CFAP299: variants seen among roughly 807,000 people sequenced by gnomAD.
CFAP299 encodes the protein cilia and flagella associated protein 299, also known as cilia- and flagella-associated protein 299.
Under a neutral mutation model 27.0 loss-of-function variants are expected in CFAP299, and 21 were observed. The ratio of observed to expected loss-of-function variants is 0.78; its 90% CI spans 0.55 to 1.12. The LOEUF (loss-of-function observed/expected upper bound fraction) is 1.12. Among genes scored for constraint, CFAP299 ranks in the 50% most tolerant of loss-of-function variants. The pLI is 0.00. For synonymous variants in CFAP299, 104 were observed against 98.1 expected, an observed-to-expected ratio of 1.06 and a Z score of -0.36; for missense variants, 310 against 276.6, an observed-to-expected ratio of 1.12 and a Z score of -0.86.
At position 80,941,661 on chromosome 4, in the gene CFAP299, A is replaced by ACAAAAC. The variant is rs1553908275; in HGVS notation, c.477-3149_477-3148insCAAAAC. Among the ~76,000 whole-genome samples the ACAAAAC allele has an allele frequency of 9.5e-3, 1,440 of 152,226 alleles. 22 individuals are homozygous for ACAAAAC. The highest frequency in any genetic ancestry group is 0.033 in the African/African-American group (1,387 of 41,516). ...ATCTGAGACTGGGTCATTTATTTAA[A>ACAAAAC]AAAACAAAACAAAACAAAACAAAAA... On this transcript the variant is annotated intron_variant, in intron 4 of 5. Transcript: ENST00000358105.
chr4:80,721,136 A>T (rs557469111), intron 3 of CFAP299, among the ~76,000 whole-genome samples: 1 of 152,182 alleles, frequency 6.6e-6, no homozygotes, highest in Non-Finnish European at 1.5e-5. Context: ...CCTAATATAC[A>T]TATTATTTGA....
chr4:80,594,794 A>G (rs1258256602), intron 3 of CFAP299, among the ~76,000 whole-genome samples: 1 of 152,200 alleles, frequency 6.6e-6, no homozygotes, highest in Non-Finnish European at 1.5e-5. Context: ...GATTTTTCTC[A>G]AATATCTAGT....
At chr4:80,689,995 A>G (rs1420092071) in intron 3 of CFAP299, among the ~76,000 whole-genome samples, 3 of 149,434 alleles carry the variant, frequency 2.0e-5, no homozygotes, top group Non-Finnish European at 2.9e-5. Flanking sequence ...AGAGCTAACT[A>G]TCCTAAATAT....
At chr4:80,561,545 C>T (rs1010760087) in intron 2 of CFAP299, among the ~76,000 whole-genome samples, 2 of 151,982 alleles carry the variant, frequency 1.3e-5, no homozygotes, top group African/African-American at 4.8e-5. Context: ...ATTGAGGAAA[C>T]TCAAAGGAAT....
At chr4:80,544,105 A>G (rs1734124376) in intron 2 of CFAP299, among the ~76,000 whole-genome samples, 1 of 152,220 alleles carries the variant, frequency 6.6e-6, no homozygotes, top group African/African-American at 2.4e-5. Context: ...CTGCCAAACC[A>G]AACTTTATAA....
rs1184478050 is a variant in CFAP299 at position 80,360,087 on chromosome 4, T to C, written c.112-2667T>C. ...GACTGGCTTCATTTCTGGGAGATTT[T>C]AGGGGGCCAGTGCTTAACTGCCAAC... On this transcript the variant is annotated intron_variant, in intron 1 of 5. Coordinates refer to ENST00000358105, the MANE Select transcript of CFAP299 (RefSeq NM_152770.3). Among the ~76,000 whole-genome samples the C allele has an allele frequency of 3.3e-5, 5 of 152,336 alleles. No homozygotes were observed. The East Asian group carries it at 5.8e-4, about 18-fold the overall frequency.
At chr4:80,457,835 A>G (rs2110103075) in intron 2 of CFAP299, among the ~76,000 whole-genome samples, 1 of 152,208 alleles carries the variant, frequency 6.6e-6, no homozygotes, top group East Asian at 1.9e-4. Context: ...GAGACTACTT[A>G]TTTATCCATG....
At chr4:80,499,876 C>T (rs1001344398) in intron 2 of CFAP299, among the ~76,000 whole-genome samples, 2 of 152,064 alleles carry the variant, frequency 1.3e-5, no homozygotes, top group Non-Finnish European at 2.9e-5. Context: ...TAAACCTTGC[C>T]ATTCACATCT....
chr4:80,703,302 T>C (rs190655139), intron 3 of CFAP299, among the ~76,000 whole-genome samples: 1 of 151,884 alleles, frequency 6.6e-6, no homozygotes, highest in Admixed American at 6.6e-5. Context: ...CCTTGCCTTA[T>C]CTATCTTGTT....
chr4:80,383,197 G>A (rs1032602971), intron 2 of CFAP299, among the ~76,000 whole-genome samples: 1 of 152,022 alleles, frequency 6.6e-6, no homozygotes, highest in Non-Finnish European at 1.5e-5. Flanking sequence ...GAGGGTGGGA[G>A]GGGGAAGAGG....
intron 3 of CFAP299, among the ~76,000 whole-genome samples, chr4:80,726,655 A>T (rs1312728513): frequency 4.6e-5 from 7 of 152,316 alleles, no homozygotes; most frequent in Non-Finnish European, 2.9e-5. Context: ...GGCATTTCAC[A>T]TACAGAGCAA....
chr4:80,667,580 C>T (rs1741205663), intron 3 of CFAP299, among the ~76,000 whole-genome samples: 1 of 152,086 alleles, frequency 6.6e-6, no homozygotes, highest in South Asian at 2.1e-4. Context: ...CATATGTGAA[C>T]ATGCAATATT....
At chr4:80,372,849 G>A (rs1390993196) in intron 2 of CFAP299, among the ~76,000 whole-genome samples, 1 of 152,120 alleles carries the variant, frequency 6.6e-6, no homozygotes, top group African/African-American at 2.4e-5. Context: ...GTTATTGTCT[G>A]TTTAATGAGA....
At chr4:80,919,145 T>C (rs886480289) in intron 4 of CFAP299, among the ~76,000 whole-genome samples, 5 of 152,276 alleles carry the variant, frequency 3.3e-5, no homozygotes, top group African/African-American at 9.6e-5. Context: ...CTTCTTACTA[T>C]TTTAGTAAAC....
chr4:80,657,975 T>A (rs78568032), intron 3 of CFAP299, among the ~76,000 whole-genome samples: 2,547 of 152,214 alleles, frequency 0.017, 50 homozygotes, highest in Admixed American at 0.059. Context: ...GCCTAGGTAT[T>A]TTATTCTCTT....
At chr4:80,346,218 G>A (rs1235234786) in intron 1 of CFAP299, among the ~76,000 whole-genome samples, 3 of 152,146 alleles carry the variant, frequency 2.0e-5, no homozygotes. Context: ...CTTCCATTCT[G>A]TAGGTTGCCT....
intron 2 of CFAP299, among the ~76,000 whole-genome samples, chr4:80,394,051 G>A (rs915640968): frequency 6.6e-6 from 1 of 152,036 alleles, no homozygotes; most frequent in Non-Finnish European, 1.5e-5. Flanking sequence ...TCCTCCACAC[G>A]CTCTCTTTCC....
intron 2 of CFAP299, among the ~76,000 whole-genome samples, chr4:80,500,190 T>C (rs1731672685): frequency 6.6e-6 from 1 of 152,116 alleles, no homozygotes; most frequent in African/African-American, 2.4e-5. Context: ...CCTGCTATTC[T>C]ACCTAGTCTC....
intron 1 of CFAP299, among the ~76,000 whole-genome samples, chr4:80,356,013 G>A (rs557560547): frequency 2.6e-5 from 4 of 151,938 alleles, no homozygotes; most frequent in African/African-American, 7.2e-5. Flanking sequence ...TAATTTTTGT[G>A]TATGGTGTAA....
Sources: gnomAD v4.1 joint callset for allele counts (sites outside exome capture counted in the v4.1 genomes callset) on GRCh38, gnomAD v4.1.1 for gene constraint, MANE v1.5 for transcripts, NCBI Gene and HGNC (gene_info 2026-07-23, HGNC 2026-07-21) for gene names.